ACY1: variants seen among roughly 807,000 people sequenced by gnomAD.
ACY1 encodes aminoacylase 1.
A neutral mutation model predicts 53.3 loss-of-function variants in ACY1; 38 were observed. The ratio of observed to expected loss-of-function variants is 0.71; its 90% CI spans 0.55 to 0.93. The LOEUF (loss-of-function observed/expected upper bound fraction) is 0.93, where lower values mean the gene tolerates loss of function less well. Among genes scored for constraint, ACY1 ranks in the 40% least tolerant of loss-of-function variants. ACY1 has a pLI of 0.00. For synonymous variants in ACY1, 177 were observed against 202.1 expected (o/e 0.88, Z 1.05); for missense variants, 484 against 540.9 (o/e 0.89, Z 1.04).
chr3:51,985,977 A>T, intron 5 of ACY1, 31 bp downstream of exon 5: 1 of 1,576,754 alleles, frequency 6.3e-7, no homozygotes, highest in Non-Finnish European at 8.7e-7. Context: ...CTCCTCCACA[A>T]TGTCCCCACT....
At chr3:51,984,644 GTC>G (rs1163987740) in intron 2 of ACY1, 2 of 272,644 alleles carry the variant, frequency 7.3e-6, no homozygotes, top group African/African-American at 4.4e-5. Context: ...GCAAGACTCT[GTC>G]TCTACAGAAA....
Position 51,985,944 on chromosome 3 carries a change from C to T in ACY1, c.357C>T (p.Ile119=), listed in dbSNP as rs774108385. The T allele has an allele frequency of 6.2e-7, 1 of 1,610,254 alleles. No homozygotes were observed. The highest frequency in any genetic ancestry group is 8.5e-7 in the Non-Finnish European group (1 of 1,178,142). ...RGAQDMKCVS[I]QYLEAVRRLK... is the part of the protein sequence containing the mutation. ...CCCAGGACATGAAGTGCGTCAGCAT[C>T]CAGTGAGTGTCCTCCATTCCTACTC... Residue 119 remains isoleucine (I), a splice_region_variant and synonymous_variant, in exon 5 of 15, where the codon ATC becomes ATT. Coordinates refer to ENST00000636358, the MANE Select transcript of ACY1 (RefSeq NM_000666.3).
intron 2 of ACY1, 128 bp downstream of exon 2, chr3:51,984,286 TC>T: frequency 1.2e-6 from 1 of 804,666 alleles, no homozygotes; most frequent in Non-Finnish European, 2.1e-6. Context: ...CCCCAACCCC[TC>T]CAGCCATTCC....
In ACY1 at chr3:51,986,512, G is replaced by A; in HGVS notation, c.526+8G>A. ...GCTTTGCCCTGGATGAGGGTGAGCAGGTTGGCAAGCCAATGAGCAGCCAGG... is the reference window on the plus strand; with the variant it reads ...GCTTTGCCCTGGATGAGGGTGAGCAAGTTGGCAAGCCAATGAGCAGCCAGG... On this transcript the variant is annotated splice_region_variant and intron_variant, in intron 7 of 14. Transcript: ENST00000636358. 6.2e-7 allele frequency: 1 copy of A among 1,614,184 alleles called. No homozygotes were observed. Among genetic ancestry groups the A allele is most frequent in the Non-Finnish European group, 8.5e-7 (1 of 1,180,028 alleles).
chr3:51,984,132 G>A lies in ACY1; in HGVS notation c.68G>A (p.Arg23His), dbSNP rs375601119. 1 of 1,613,902 alleles carries A rather than the reference G, an allele frequency of 6.2e-7. No individual in the cohort carries two copies. Among genetic ancestry groups the A allele is most frequent in the South Asian group, 1.1e-5 (1 of 91,088 alleles). Reference sequence around the variant, plus strand: ...CTCTTCCGCCAGTACCTGCGTATCCGCACTGTCCAGCCCAAGCCTGACTAT... The same window carrying A: ...CTCTTCCGCCAGTACCTGCGTATCCACACTGTCCAGCCCAAGCCTGACTAT... ...VTLFRQYLRIRTVQPKPDYGA... is the reference protein window; with the variant it reads ...VTLFRQYLRIHTVQPKPDYGA... The change falls in exon 2 of 15, where the codon CGC becomes CAC. Residue 23 changes from arginine to histidine, a missense_variant. Physicochemically the swap from Arg to His is conservative, Grantham distance 29. Coordinates refer to ENST00000636358, the MANE Select transcript of ACY1 (RefSeq NM_000666.3).
At chr3:51,984,682 T>C (rs1700995287) in intron 2 of ACY1, 3 of 261,922 alleles carry the variant, frequency 1.1e-5, no homozygotes, top group Non-Finnish European at 7.5e-6. Context: ...TCAGGAATGG[T>C]GGCACACCTG....
At chr3:51,988,436 T>C in intron 12 of ACY1, 88 bp from the exon 13 acceptor site, 1 of 1,204,806 alleles carries the variant, frequency 8.3e-7, no homozygotes, top group South Asian at 1.2e-5. Context: ...TGGGGAGGTG[T>C]TATGTACTAG....
At chr3:51,986,050 C>CGTG (rs1701044451) in intron 5 of ACY1, 104 bp downstream of exon 5, 2 of 1,224,868 alleles carry the variant, frequency 1.6e-6, no homozygotes, top group African/African-American at 3.0e-5. Flanking sequence ...CAAGGAACAC[C>CGTG]GTGACCTCTT....
At chr3:51,986,391 C>T in intron 6 of ACY1, 24 bp from the exon 7 acceptor site, 3 of 1,608,650 alleles carry the variant, frequency 1.9e-6, no homozygotes, top group Non-Finnish European at 2.5e-6. Flanking sequence ...GCCTCCTCAT[C>T]TCACGTCCCT....
intron 2 of ACY1, chr3:51,984,624 G>A: frequency 3.4e-6 from 1 of 291,430 alleles, no homozygotes; most frequent in Admixed American, 4.7e-5. Context: ...AGACTAGCTT[G>A]AGCAACATGG....
Position 51,985,195 on chromosome 3 carries a change from C to T in ACY1, c.95-12C>T, listed in dbSNP as rs1159185667. On this transcript the variant is annotated splice_polypyrimidine_tract_variant and intron_variant, in intron 2 of 14. Transcript: ENST00000636358. ...TAGGCAGAAGCAGCCCCAAGACACT[C>T]TGTGCCTCCAGGAGCTGCTGTGGCT... The T allele has an allele frequency of 1.3e-6, 2 of 1,599,886 alleles. No homozygotes were observed. The highest frequency in any genetic ancestry group is 2.7e-5 in the African/African-American group (2 of 74,658).
intron 12 of ACY1, chr3:51,987,888 T>A (rs1430953808): frequency 4.5e-6 from 2 of 448,550 alleles, no homozygotes; most frequent in Non-Finnish European, 8.1e-6. Context: ...TATTACTTTT[T>A]TCTGAGAGAA....
At position 51,988,545 on chromosome 3, in the gene ACY1, A is replaced by G. The variant is rs1313899166; in HGVS notation, c.943A>G (p.Thr315Ala). 6.2e-7 allele frequency: 1 copy of G among 1,614,098 alleles called. No homozygotes were observed. Among genetic ancestry groups the G allele is most frequent in the Admixed American group, 1.7e-5 (1 of 60,010 alleles). Residue 315 changes from threonine (T) to alanine (A), a missense_variant, in exon 13 of 15, where the codon ACA (threonine) becomes GCA (alanine). By Grantham distance (58) the Thr-to-Ala change is moderately conservative (BLOSUM62 0). Transcript: ENST00000636358. ...FAQKWMHPQV[T>A]PTDDSNPWWA... ...TCAGAAGTGGATGCACCCCCAAGTG[A>G]CACCTACTGATGACTCAAACCCTTG...
At position 51,986,243 on chromosome 3, in the gene ACY1, A is replaced by T. The variant is rs768265341; in HGVS notation, c.360-12A>T. On this transcript the variant is annotated splice_polypyrimidine_tract_variant and intron_variant, in intron 5 of 14. Transcript: ENST00000636358. ...TGGTGGCTCCCCCAGCACCTGGCTT[A>T]TGCCCCCTCAGGTACCTGGAAGCTG... is the stretch of plus-strand genomic sequence containing the variant. 1 of 1,613,536 alleles carries T rather than the reference A, an allele frequency of 6.2e-7. No individual in the cohort carries two copies. Among genetic ancestry groups the T allele is most frequent in the Non-Finnish European group, 8.5e-7 (1 of 1,179,906 alleles).
chr3:51,988,744 C>T (rs1701162675), intron 13 of ACY1, 22 bp from the exon 14 acceptor site: 2 of 1,613,752 alleles, frequency 1.2e-6, no homozygotes, highest in Non-Finnish European at 1.7e-6. Flanking sequence ...CCTCCCCATT[C>T]ATCAGGCTCT....
At position 51,986,610 on chromosome 3, in the gene ACY1, G is replaced by C. The variant is rs896360355; in HGVS notation, c.532G>C (p.Ala178Pro). 1.2e-6 allele frequency: 2 copies of C among 1,614,156 alleles called. No individual in the cohort carries two copies. The highest frequency in any genetic ancestry group is 1.7e-6 in the Non-Finnish European group (2 of 1,180,022). Reference protein sequence around the residue: ...RAGFALDEGIANPTDAFTVFY... With the variant: ...RAGFALDEGIPNPTDAFTVFY... ...AACCCCCTTTCCCTCCTCAGGCATA[G>C]CCAATCCCACTGATGCCTTCACTGT... The change falls in exon 8 of 15, where the codon GCC becomes CCC. Residue 178 changes from alanine to proline, a missense_variant. Physicochemically the swap from Ala to Pro is conservative, Grantham distance 27 (BLOSUM62 -1). Coordinates refer to ENST00000636358, the MANE Select transcript of ACY1 (RefSeq NM_000666.3).
At chr3:51,988,495 C>T in intron 12 of ACY1, 29 bp from the exon 13 acceptor site, 2 of 1,604,280 alleles carry the variant, frequency 1.2e-6, no homozygotes, top group Non-Finnish European at 1.7e-6. Flanking sequence ...GGCCCATGTC[C>T]TGATCCTGCC....
At chr3:51,988,247 C>CT in intron 12 of ACY1, 1 of 552,972 alleles carries the variant, frequency 1.8e-6, no homozygotes, top group Non-Finnish European at 3.3e-6. Context: ...TCCAACTAGT[C>CT]TGAGAGGTCT....
chr3:51,988,980 C>T lies in ACY1; in HGVS notation c.1132C>T (p.Arg378Trp), dbSNP rs148346337. The T allele has an allele frequency of 1.9e-5, 31 of 1,614,072 alleles. No individual in the cohort carries two copies. The Middle Eastern group carries it at 1.8e-3, about 94-fold the overall frequency. Residue 378 changes from arginine (R) to tryptophan (W), a missense_variant, in exon 15 of 15, where the codon CGG becomes TGG. By Grantham distance (101) the Arg-to-Trp change is moderately radical. Coordinates refer to ENST00000636358, the MANE Select transcript of ACY1 (RefSeq NM_000666.3). ...TPVLLHDHDERLHEAVFLRGV... is the reference protein window; with the variant it reads ...TPVLLHDHDEWLHEAVFLRGV... ...TGTGCTGCTGCACGACCACGATGAACGGCTGCATGAGGCTGTGTTCCTCCG... is the reference window on the plus strand; with the variant it reads ...TGTGCTGCTGCACGACCACGATGAATGGCTGCATGAGGCTGTGTTCCTCCG...
Sources: gnomAD v4.1 joint callset for allele counts on GRCh38, gnomAD v4.1.1 for gene constraint, MANE v1.5 for transcripts, NCBI Gene and HGNC (gene_info 2026-07-23, HGNC 2026-07-21) for gene names.